Variants in TBKBP1 observed in about 807,000 individuals in gnomAD.
TBKBP1 encodes the protein TBK1 binding protein 1.
TBKBP1 carries 47 observed loss-of-function variants against 69.9 expected under a neutral mutation model. The observed-to-expected ratio is 0.67, with a 90% CI of 0.53 to 0.86. The LOEUF is 0.86. Ranked by LOEUF, TBKBP1 falls within the 40% of genes least tolerant of loss-of-function variation. The pLI, the probability that TBKBP1 is intolerant of heterozygous loss-of-function variation, is 0.00. For missense variants in TBKBP1, 831 were observed against 858.6 expected, an observed-to-expected ratio of 0.97 and a Z score of 0.40; for synonymous variants, 418 against 390.3, an observed-to-expected ratio of 1.07 and a Z score of -0.84.
Position 47,699,772 on chromosome 17 carries a change from G to A in TBKBP1, c.872+75G>A, listed in dbSNP as rs933298420. ...CCCTCCCAGCCCTCAGGGGTGTGGT[G>A]TCTGGGCTGCTGTTGCTCTGTGTGC... On this transcript the variant is annotated intron_variant, in intron 7 of 9. Coordinates refer to ENST00000578982, the MANE Select transcript of TBKBP1 (RefSeq NM_001394755.1). 8.3e-6 allele frequency: 13 copies of A among 1,561,376 alleles called. No homozygotes were observed. The African/African-American group carries it at 1.8e-4, about 21-fold the overall frequency.
intron 7 of TBKBP1, among the ~76,000 whole-genome samples, chr17:47,703,951 C>T (rs748253105): frequency 2.1e-4 from 32 of 152,110 alleles, no homozygotes; most frequent in Non-Finnish European, 4.0e-4. Flanking sequence ...GGCACCTCTG[C>T]GGTGTGTTTC....
At position 47,708,418 on chromosome 17, in the gene TBKBP1, C is replaced by A. The variant is rs372392812; in HGVS notation, c.897C>A (p.Thr299=). ...GGGTGAATTTGGCGCTGGCCTACACCGAGCTGACGGAGGAGCTGGGCCGGC... is the reference window on the plus strand; with the variant it reads ...GGGTGAATTTGGCGCTGGCCTACACAGAGCTGACGGAGGAGCTGGGCCGGC... ...DDQVNLALAY[T]ELTEELGRLR... Residue 299 remains threonine, a synonymous_variant, in exon 8 of 10, where the codon ACC becomes ACA. Coordinates refer to ENST00000578982, the MANE Select transcript of TBKBP1 (RefSeq NM_001394755.1). The surrounding 1 kb of genome is among the most constrained non-coding windows in gnomAD (Gnocchi z 4.4). 4 of 1,613,804 alleles carry A rather than the reference C, an allele frequency of 2.5e-6. No homozygotes were observed. The African/African-American group carries it at 5.3e-5, about 22-fold the overall frequency.
At position 47,708,982 on chromosome 17, in the gene TBKBP1, G is replaced by T; in HGVS notation, c.1249G>T (p.Val417Leu). The T allele has an allele frequency of 8.9e-7, 1 of 1,127,888 alleles. No individual in the cohort carries two copies. 69.9% of individuals were successfully genotyped at this position (1,127,888 alleles called of 1,614,324 possible). Residue 417 changes from valine to leucine, a missense_variant, in exon 9 of 10, where the codon GTG (valine) becomes TTG (leucine). By Grantham distance (32) the Val-to-Leu change is conservative. Coordinates refer to ENST00000578982, the MANE Select transcript of TBKBP1 (RefSeq NM_001394755.1). This position sits in a 1 kb window ranked among gnomAD's most constrained non-coding sequence, Gnocchi z 4.4. The stretch of plus-strand genomic sequence containing the variant: ...CCCCAGCCCGCAGCGCCGTTCCCCG[G>T]TGCCCCCCAGCTGCCCGGCCCCGCA... ...QSPSPQRRSP[V>L]PPSCPAPQPR...
chr17:47,697,387 T>C (rs901435960), intron 4 of TBKBP1, among the ~76,000 whole-genome samples, 194 bp downstream of exon 4: 2 of 152,226 alleles, frequency 1.3e-5, no homozygotes, highest in Admixed American at 1.3e-4. Context: ...TGAGGGAGAC[T>C]GCATGTGTTA....
intron 2 of TBKBP1, among the ~76,000 whole-genome samples, 164 bp downstream of exon 2, chr17:47,696,501 C>T (rs1250090268): frequency 6.6e-6 from 1 of 152,106 alleles, no homozygotes; most frequent in Non-Finnish European, 1.5e-5. Context: ...CGAACTGTCT[C>T]CTGTTGGCTT....
In TBKBP1 at chr17:47,709,408, G is replaced by A. The variant is rs746395602; in HGVS notation, c.1675G>A (p.Ala559Thr). 1 of 1,539,738 alleles carries A rather than the reference G, an allele frequency of 6.5e-7. No homozygotes were observed. Among genetic ancestry groups the A allele is most frequent in the Non-Finnish European group, 8.7e-7 (1 of 1,151,104 alleles). ...CATCCCCGAGTCGCCCGCCGCCACC[G>A]CCTACGCCCACGCCGAGCACGCGCA... ...FPIPESPAAT[A>T]YAHAEHAQSW... The change falls in exon 9 of 10, where the codon GCC becomes ACC. Residue 559 changes from alanine to threonine, a missense_variant. Physicochemically the swap from Ala to Thr is moderately conservative, Grantham distance 58. Coordinates refer to ENST00000578982, the MANE Select transcript of TBKBP1 (RefSeq NM_001394755.1).
At chr17:47,697,633 C>T (rs947416134) in intron 4 of TBKBP1, among the ~76,000 whole-genome samples, 2 of 152,056 alleles carry the variant, frequency 1.3e-5, no homozygotes, top group Non-Finnish European at 2.9e-5. Context: ...CTTGGGTGTG[C>T]TTCCGAGTCA....
chr17:47,708,637 A>C lies in TBKBP1; in HGVS notation c.992-88A>C. 7.0e-7 allele frequency: 1 copy of C among 1,421,322 alleles called. No individual in the cohort carries two copies. The highest frequency in any genetic ancestry group is 9.5e-7 in the Non-Finnish European group (1 of 1,053,868). The allele number at this position is 1,421,322 out of a possible 1,614,324, so 88.0% of individuals were successfully genotyped here. On this transcript the variant is annotated intron_variant, in intron 8 of 9. Transcript: ENST00000578982. The surrounding 1 kb of genome is among the most constrained non-coding windows in gnomAD (Gnocchi z 4.4). ...TTCCTGTGGCCTGGAGTTGGTGGGC[A>C]TGGGTCCGGGCAAGCCCCTGGCGCT...
intron 7 of TBKBP1, among the ~76,000 whole-genome samples, chr17:47,707,155 A>G (rs2143341035): frequency 6.6e-6 from 1 of 152,336 alleles, no homozygotes; most frequent in Admixed American, 6.5e-5. Flanking sequence ...CTCTGCCTTC[A>G]GGGAGATTCA....
In TBKBP1 at chr17:47,709,309, T is replaced by G; in HGVS notation, c.1576T>G (p.Trp526Gly). The G allele has an allele frequency of 6.5e-7, 1 of 1,528,556 alleles. No homozygotes were observed. The highest frequency in any genetic ancestry group is 8.7e-7 in the Non-Finnish European group (1 of 1,145,146). The allele number at this position is 1,528,556 out of a possible 1,614,324, so 94.7% of individuals were successfully genotyped here. A position where few individuals can be genotyped will look rare whatever the true frequency, so the allele number is the denominator to read the frequency against. The change falls in exon 9 of 10, where the codon TGG becomes GGG. Residue 526 changes from tryptophan to glycine, a missense_variant. Transcript: ENST00000578982. ...GAAGCAGCCGTCGGAGGAGGACGAGTGGGCTGTGCCCACCAGCCCGCCCAG... is the reference window on the plus strand; with the variant it reads ...GAAGCAGCCGTCGGAGGAGGACGAGGGGGCTGTGCCCACCAGCCCGCCCAG... ...FEKQPSEEDE[W>G]AVPTSPPSPE...
At position 47,694,891 on chromosome 17, in the gene TBKBP1, G is replaced by GT. The variant is rs917121155; in HGVS notation, c.-35+697_-35+698insT. 4.9e-5 allele frequency among the ~76,000 whole-genome samples: 7 copies of GT among 144,310 alleles called. No homozygotes were observed. The East Asian group carries it at 1.7e-3, about 35-fold the overall frequency. 94.7% of individuals were successfully genotyped at this position (144,310 alleles called of 152,430 possible). On this transcript the variant is annotated intron_variant, in intron 1 of 9. Transcript: ENST00000578982. ...TAGATGGGCCTGTGGGTGGCGGAGG[G>GT]GGGGGGGTGGATTGAATTGGAGCCT...
At chr17:47,700,271 G>C (rs1032585280) in intron 7 of TBKBP1, among the ~76,000 whole-genome samples, 3 of 131,166 alleles carry the variant, frequency 2.3e-5, no homozygotes, top group African/African-American at 8.4e-5. Flanking sequence ...TTATAGGAGT[G>C]AGCCACTGCG....
At chr17:47,696,442 C>G (rs1231209833) in intron 2 of TBKBP1, 105 bp downstream of exon 2, 1 of 1,335,282 alleles carries the variant, frequency 7.5e-7, no homozygotes, top group Admixed American at 2.3e-5. Flanking sequence ...ACTGTGCAGA[C>G]TCTTGGGAAC....
At position 47,708,764 on chromosome 17, in the gene TBKBP1, C is replaced by T; in HGVS notation, c.1031C>T (p.Ala344Val). ...CCGCTGTCACAACGCCACTCCCCGG[C>T]CCCCCAGTGCCCCTCCCCCTCCCCG... ...HSPLSQRHSP[A>V]PQCPSPSPPA... The change falls in exon 9 of 10, where the codon GCC (alanine) becomes GTC (valine). Residue 344 changes from alanine (A) to valine (V), a missense_variant. Transcript: ENST00000578982. The surrounding 1 kb of genome is among the most constrained non-coding windows in gnomAD (Gnocchi z 4.4). 3 of 1,068,254 alleles carry T rather than the reference C, an allele frequency of 2.8e-6. No individual in the cohort carries two copies. Among genetic ancestry groups the T allele is most frequent in the African/African-American group, 1.7e-5 (1 of 60,590 alleles). The allele number at this position is 1,068,254 out of a possible 1,614,324, so 66.2% of individuals were successfully genotyped here. A position where few individuals can be genotyped will look rare whatever the true frequency, so the allele number is the denominator to read the frequency against.
rs80267077 is a variant in TBKBP1 at position 47,709,255 on chromosome 17, G to A, written c.1522G>A (p.Ala508Thr). Residue 508 changes from alanine to threonine, a missense_variant, in exon 9 of 10, where the codon GCC becomes ACC. Coordinates refer to ENST00000578982, the MANE Select transcript of TBKBP1 (RefSeq NM_001394755.1). Reference protein sequence around the residue: ...GPGRPLSPRRAFEGIRLRFEK... With the variant: ...GPGRPLSPRRTFEGIRLRFEK... ...TGGCAGGCCCCTCAGCCCGCGGCGC[G>A]CCTTCGAGGGCATCCGGCTGCGCTT... is the stretch of plus-strand genomic sequence containing the variant. 144,428 of 1,520,870 alleles carry A rather than the reference G, an allele frequency of 0.095. 7,761 individuals are homozygous for A. Among genetic ancestry groups the A allele is most frequent in the Non-Finnish European group, 0.11 (121,862 of 1,142,758 alleles). 94.2% of individuals were successfully genotyped at this position (1,520,870 alleles called of 1,614,324 possible). A position where few individuals can be genotyped will look rare whatever the true frequency, so the allele number is the denominator to read the frequency against.
intron 7 of TBKBP1, among the ~76,000 whole-genome samples, chr17:47,706,869 A>G (rs899037373): frequency 6.1e-5 from 9 of 148,256 alleles, no homozygotes; most frequent in East Asian, 2.0e-4. Context: ...ACACACACAC[A>G]CGCACACACC....
At position 47,708,369 on chromosome 17, in the gene TBKBP1, C is replaced by T; in HGVS notation, c.873-25C>T. On this transcript the variant is annotated intron_variant, in intron 7 of 9. Coordinates refer to ENST00000578982, the MANE Select transcript of TBKBP1 (RefSeq NM_001394755.1). The surrounding 1 kb of genome is among the most constrained non-coding windows in gnomAD (Gnocchi z 4.4). ...ACGGTAGACCCACTGCCCTTCTCGTCTTTCCCACTGCCCTCTGACTTCAGG... is the reference window on the plus strand; with the variant it reads ...ACGGTAGACCCACTGCCCTTCTCGTTTTTCCCACTGCCCTCTGACTTCAGG... 6.2e-7 allele frequency: 1 copy of T among 1,613,022 alleles called. No individual in the cohort carries two copies. Among genetic ancestry groups the T allele is most frequent in the Non-Finnish European group, 8.5e-7 (1 of 1,179,112 alleles).
Position 47,710,564 on chromosome 17 carries a change from G to C in TBKBP1, c.1786G>C (p.Gly596Arg). ...CPLCQLGFPVGYPDDALIKHI... is the reference protein window; with the variant it reads ...CPLCQLGFPVRYPDDALIKHI... ...CCTCTGCCAGCTGGGTTTCCCTGTCGGGTACCCGGATGATGCCCTCATCAA... is the reference window on the plus strand; with the variant it reads ...CCTCTGCCAGCTGGGTTTCCCTGTCCGGTACCCGGATGATGCCCTCATCAA... The change falls in exon 10 of 10, where the codon GGG (glycine) becomes CGG (arginine). Residue 596 changes from glycine (G) to arginine (R), a missense_variant. Coordinates refer to ENST00000578982, the MANE Select transcript of TBKBP1 (RefSeq NM_001394755.1). 6.2e-7 allele frequency: 1 copy of C among 1,612,438 alleles called. No homozygotes were observed. Among genetic ancestry groups the C allele is most frequent in the Admixed American group, 1.7e-5 (1 of 59,982 alleles).
Position 47,699,656 on chromosome 17 carries a change from G to C in TBKBP1, c.831G>C (p.Ser277=). The C allele has an allele frequency of 6.2e-7, 1 of 1,613,912 alleles. No individual in the cohort carries two copies. The highest frequency in any genetic ancestry group is 8.5e-7 in the Non-Finnish European group (1 of 1,179,884). Residue 277 remains serine (S), a synonymous_variant, in exon 7 of 10, where the codon TCG becomes TCC. Transcript: ENST00000578982. ...CTTAGGATCTGGCCTCCAACCAGTC[G>C]GAGCGAGACATGGCGTGGGTGAAAA... ...TRAQDLASNQ[S]ERDMAWVKRV... is the part of the protein sequence containing the mutation.
Sources: allele counts gnomAD v4.1 joint callset (sites outside exome capture counted in the v4.1 genomes callset), GRCh38; gene constraint gnomAD v4.1.1; non-coding constraint Gnocchi (gnomAD v3.1); transcripts MANE v1.5; gene names NCBI Gene and HGNC (gene_info 2026-07-23, HGNC 2026-07-21).